POU6F2: variants seen among roughly 807,000 people sequenced by gnomAD.
POU6F2 encodes POU class 6 homeobox 2, also known as POU domain, class 6, transcription factor 2.
A neutral mutation model predicts 71.3 loss-of-function variants in POU6F2; 31 were observed. The ratio of observed to expected loss-of-function variants is 0.43; its 90% CI spans 0.33 to 0.59. The LOEUF (loss-of-function observed/expected upper bound fraction) is 0.59, where lower values mean the gene tolerates loss of function less well. Ranked by LOEUF, POU6F2 falls within the 20% of genes least tolerant of loss-of-function variation. The pLI, the probability that POU6F2 is intolerant of heterozygous loss-of-function variation, is 0.04. For missense variants in POU6F2, 783 were observed against 856.8 expected (o/e 0.91, Z 1.07); for synonymous variants, 347 against 355.7 (o/e 0.98, Z 0.27).
At chr7:39,124,286 C>T (rs965250400) in intron 2 of POU6F2, among the ~76,000 whole-genome samples, 36 of 152,142 alleles carry the variant, frequency 2.4e-4, no homozygotes, top group African/African-American at 8.4e-4. Context: ...ATCTTGTGAT[C>T]CACCCGCCTT....
chr7:39,236,896 C>T (rs1794685434), intron 4 of POU6F2, among the ~76,000 whole-genome samples: 1 of 152,140 alleles, frequency 6.6e-6, no homozygotes, highest in Admixed American at 6.5e-5. Flanking sequence ...AAACTGCTAA[C>T]CACATGCTAT....
At chr7:39,087,149 TTA>T (rs1791267290) in intron 2 of POU6F2, among the ~76,000 whole-genome samples, 7 of 106,806 alleles carry the variant, frequency 6.6e-5, no homozygotes, top group Middle Eastern at 5.4e-3. Flanking sequence ...GCTTTATTAA[TTA>T]ATTAATTAAT....
At chr7:39,449,006 T>C (rs1444204841) in intron 7 of POU6F2, among the ~76,000 whole-genome samples, 1 of 152,246 alleles carries the variant, frequency 6.6e-6, no homozygotes, top group Non-Finnish European at 1.5e-5. Context: ...GTTTGGCTAA[T>C]TACCTTTGGC....
intron 7 of POU6F2, among the ~76,000 whole-genome samples, chr7:39,434,369 A>C (rs1788180152): frequency 6.6e-6 from 1 of 152,154 alleles, no homozygotes; most frequent in Non-Finnish European, 1.5e-5. Context: ...TGAACACACT[A>C]CATATCATCT....
Position 38,988,532 on chromosome 7 carries a change from G to T in POU6F2, c.105+10474G>T, listed in dbSNP as rs149296959. ...CAGTGGGGCTGTTGTAAACTTTCTT[G>T]AATGTCTAATGTTTAATACTATTTT... On this transcript the variant is annotated intron_variant, in intron 1 of 9. Transcript: ENST00000518318. Among the ~76,000 whole-genome samples, 81 of 152,152 alleles carry T rather than the reference G, an allele frequency of 5.3e-4. 1 individual carries two copies. In the East Asian group the frequency reaches 8.9e-3, roughly 17 times the overall value.
At chr7:39,238,702 G>A (rs1794720869) in intron 4 of POU6F2, among the ~76,000 whole-genome samples, 1 of 152,126 alleles carries the variant, frequency 6.6e-6, no homozygotes, top group South Asian at 2.1e-4. Context: ...TGCCCTGTTT[G>A]GAGGTTGGAT....
chr7:39,040,211 A>T (rs1190942632), intron 1 of POU6F2, among the ~76,000 whole-genome samples: 1 of 138,902 alleles, frequency 7.2e-6, no homozygotes, highest in Non-Finnish European at 1.5e-5. Context: ...TTACAGGGCC[A>T]ATAATTTTCT....
chr7:39,200,950 C>T (rs1793886683), intron 2 of POU6F2, among the ~76,000 whole-genome samples: 2 of 151,946 alleles, frequency 1.3e-5, no homozygotes, highest in South Asian at 4.2e-4. Flanking sequence ...TTGCTTGAGC[C>T]CAGGAGATCA....
At chr7:39,015,498 T>A (rs1295020604) in intron 1 of POU6F2, among the ~76,000 whole-genome samples, 1 of 95,552 alleles carries the variant, frequency 1.0e-5, no homozygotes, top group Non-Finnish European at 2.0e-5. Context: ...ATAGATATAT[T>A]ATATATTATT....
At chr7:39,137,870 A>G (rs983927959) in intron 2 of POU6F2, among the ~76,000 whole-genome samples, 1 of 152,168 alleles carries the variant, frequency 6.6e-6, no homozygotes, top group Admixed American at 6.6e-5. Flanking sequence ...TTAACCAGGA[A>G]GTCCCTGTGA....
chr7:39,095,032 A>C (rs1201629242), intron 2 of POU6F2, among the ~76,000 whole-genome samples: 2 of 152,222 alleles, frequency 1.3e-5, no homozygotes, highest in Non-Finnish European at 2.9e-5. Flanking sequence ...AAAATATTGC[A>C]TGAAACTCCT....
intron 1 of POU6F2, among the ~76,000 whole-genome samples, chr7:39,084,232 C>T (rs1366775251): frequency 6.6e-6 from 1 of 152,052 alleles, no homozygotes; most frequent in Non-Finnish European, 1.5e-5. Flanking sequence ...GTTTCACAAC[C>T]CCTAATGCCC....
intron 1 of POU6F2, among the ~76,000 whole-genome samples, chr7:39,013,921 A>G (rs969983709): frequency 6.6e-6 from 1 of 152,190 alleles, no homozygotes; most frequent in Non-Finnish European, 1.5e-5. Context: ...TAAAGAATTT[A>G]TGCACTTAAT....
intron 2 of POU6F2, among the ~76,000 whole-genome samples, chr7:39,155,699 C>A (rs567800082): frequency 6.6e-6 from 1 of 152,230 alleles, no homozygotes; most frequent in Admixed American, 6.5e-5. Context: ...AGGCAAACAT[C>A]CAATTTTATA....
intron 5 of POU6F2, among the ~76,000 whole-genome samples, chr7:39,355,930 G>A (rs1786246558): frequency 1.3e-5 from 2 of 152,136 alleles, no homozygotes; most frequent in Admixed American, 6.5e-5. Context: ...GGCTAATTTA[G>A]GCCCCTGGAA....
chr7:39,079,720 A>C (rs1527952), intron 1 of POU6F2, among the ~76,000 whole-genome samples: 47,051 of 152,016 alleles, frequency 0.31, 7,992 homozygotes, highest in East Asian at 0.77. Context: ...AGCCACACTA[A>C]CTGCAAAATG....
In POU6F2 at chr7:39,146,323, C is replaced by G. The variant is rs1200361650; in HGVS notation, c.278-57912C>G. 3.9e-5 allele frequency among the ~76,000 whole-genome samples: 6 copies of G among 152,168 alleles called. No individual in the cohort carries two copies. In the East Asian group the frequency reaches 1.2e-3, roughly 29 times the overall value. On this transcript the variant is annotated intron_variant, in intron 2 of 9. Coordinates refer to ENST00000518318, the MANE Select transcript of POU6F2 (RefSeq NM_001370959.1). ...ACAGGACTTGATGCTTTTGAGGAAG[C>G]AAAGGGTGCCTGAGGGCAGGAAGGC...
intron 4 of POU6F2, among the ~76,000 whole-genome samples, chr7:39,244,505 T>C (rs1184214271): frequency 6.6e-6 from 1 of 152,218 alleles, no homozygotes; most frequent in African/African-American, 2.4e-5. Context: ...TACATCAATG[T>C]ATGAGAAATA....
At chr7:39,188,972 A>G (rs899063789) in intron 2 of POU6F2, among the ~76,000 whole-genome samples, 1 of 152,224 alleles carries the variant, frequency 6.6e-6, no homozygotes, top group Non-Finnish European at 1.5e-5. Context: ...CTGTACAAAA[A>G]TTGTATAATT....
Sources: gnomAD v4.1 joint callset for allele counts (sites outside exome capture counted in the v4.1 genomes callset) on GRCh38, gnomAD v4.1.1 for gene constraint, MANE v1.5 for transcripts, NCBI Gene and HGNC (gene_info 2026-07-23, HGNC 2026-07-21) for gene names.